Variants in SHANK2 observed in about 807,000 individuals in gnomAD.
SHANK2 encodes SH3 and multiple ankyrin repeat domains 2, also known as SH3 and multiple ankyrin repeat domains protein 2.
Under a neutral mutation model 133.7 loss-of-function variants are expected in SHANK2, and 43 were observed. That is an observed-to-expected ratio of 0.32 (90% CI 0.25 to 0.41). SHANK2 has a LOEUF of 0.41. Among genes scored for constraint, SHANK2 ranks in the 10% least tolerant of loss-of-function variants. The pLI is 1.00. For synonymous variants in SHANK2, 1,017 were observed against 952.8 expected (o/e 1.07, Z -1.24); for missense variants, 1,994 against 2,235.8 (o/e 0.89, Z 2.18).
chr11:70,634,202 T>A (rs577137396), intron 17 of SHANK2: 1 of 151,428 alleles, frequency 6.6e-6, no homozygotes, highest in Admixed American at 6.6e-5. Context: ...GGTGCGTGGA[T>A]GGGACAGTGA....
chr11:70,491,098 C>T (rs1210222334), intron 22 of SHANK2, among the ~76,000 whole-genome samples: 1 of 152,242 alleles, frequency 6.6e-6, no homozygotes, highest in Non-Finnish European at 1.5e-5. Flanking sequence ...CTTTCGCTTC[C>T]CCAGGCTGTT....
intron 10 of SHANK2, among the ~76,000 whole-genome samples, chr11:70,929,171 C>T (rs1950468646): frequency 6.6e-6 from 1 of 152,226 alleles, no homozygotes; most frequent in Non-Finnish European, 1.5e-5. Context: ...GTGTGTGTAT[C>T]ATAAGGAAGC....
At chr11:70,855,753 T>C (rs1227031833) in intron 11 of SHANK2, among the ~76,000 whole-genome samples, 3 of 151,730 alleles carry the variant, frequency 2.0e-5, no homozygotes, top group Non-Finnish European at 4.4e-5. Flanking sequence ...AAAAGAAAGG[T>C]GGGAAGAAAG....
intron 10 of SHANK2, among the ~76,000 whole-genome samples, chr11:70,919,270 T>C (rs1555080377): frequency 6.6e-6 from 1 of 152,154 alleles, no homozygotes; most frequent in Admixed American, 6.5e-5. Flanking sequence ...CATCTTTTTG[T>C]GGTGAGAACA....
In SHANK2 at chr11:70,492,469, C is replaced by T; in HGVS notation, c.2309-4G>A. On this transcript the variant is annotated splice_region_variant and splice_polypyrimidine_tract_variant and intron_variant, in intron 21 of 25. Transcript: ENST00000601538. ...GGGACTATCTCCTCGGGTTTATCTG[C>T]AATAGAACCGTGAGGATTGGAGCAG... 5 of 1,613,912 alleles carry T rather than the reference C, an allele frequency of 3.1e-6. No homozygotes were observed. The highest frequency in any genetic ancestry group is 4.2e-6 in the Non-Finnish European group (5 of 1,180,040).
At chr11:71,212,047 C>A (rs1176540584) in intron 2 of SHANK2, among the ~76,000 whole-genome samples, 1 of 152,194 alleles carries the variant, frequency 6.6e-6, no homozygotes, top group Non-Finnish European at 1.5e-5. Context: ...CCTGCAAACA[C>A]CGTGTCGCAT....
chr11:71,075,817 A>C lies in SHANK2; in HGVS notation c.913-542T>G, dbSNP rs1047623676. On this transcript the variant is annotated intron_variant, in intron 8 of 25. Coordinates refer to ENST00000601538, the MANE Select transcript of SHANK2 (RefSeq NM_012309.5). ...CTTTAATGCAGTCCAGCTCCTAAGT[A>C]AGTTGCAGGACGCAGGGGTAGGGCA... Among the ~76,000 whole-genome samples, 219 of 152,274 alleles carry C rather than the reference A, an allele frequency of 1.4e-3. 2 individuals are homozygous for C. Among genetic ancestry groups the C allele is most frequent in the African/African-American group, 5.0e-3 (209 of 41,566 alleles).
At position 70,893,932 on chromosome 11, in the gene SHANK2, A is replaced by G. The variant is rs555887275; in HGVS notation, c.1174+2569T>C. On this transcript the variant is annotated intron_variant, in intron 11 of 25. Coordinates refer to ENST00000601538, the MANE Select transcript of SHANK2 (RefSeq NM_012309.5). ...CTGTGGTGGGTGCCCCCCTCTCTCA[A>G]TGGGGGGTGCTGTTTACAGTTAACA... Among the ~76,000 whole-genome samples, 26 of 152,222 alleles carry G rather than the reference A, an allele frequency of 1.7e-4. No homozygotes were observed. In the South Asian group the frequency reaches 5.4e-3, roughly 32 times the overall value.
At chr11:71,218,073 A>T (rs1555120321) in intron 2 of SHANK2, among the ~76,000 whole-genome samples, 4 of 151,744 alleles carry the variant, frequency 2.6e-5, no homozygotes. Context: ...GATGGTCTCG[A>T]TCTCCTTACC....
intron 10 of SHANK2, among the ~76,000 whole-genome samples, chr11:70,940,679 T>C (rs1348315137): frequency 6.6e-6 from 1 of 152,054 alleles, no homozygotes; most frequent in Non-Finnish European, 1.5e-5. Context: ...CCATAAACCA[T>C]TGTCAAAAGG....
At chr11:70,866,085 C>T (rs546543468) in intron 11 of SHANK2, among the ~76,000 whole-genome samples, 7 of 152,276 alleles carry the variant, frequency 4.6e-5, no homozygotes, top group South Asian at 2.1e-4. Context: ...CAATTCCGCG[C>T]GCAGATGCCT....
At chr11:70,852,030 C>T (rs1314174216) in intron 11 of SHANK2, among the ~76,000 whole-genome samples, 2 of 152,210 alleles carry the variant, frequency 1.3e-5, no homozygotes, top group African/African-American at 4.8e-5. Context: ...AAAACACAGT[C>T]CCTTTTAAAA....
At chr11:71,163,093 A>AAACATATATATATATATATATATAGAT in intron 2 of SHANK2, among the ~76,000 whole-genome samples, 1 of 84,678 alleles carries the variant, frequency 1.2e-5, no homozygotes, top group Non-Finnish European at 2.5e-5. Context: ...AAAAAAAAAA[A>AAACATATATATATATATATATATAGAT]ATACATATAT....
chr11:70,487,224 G>C lies in SHANK2; in HGVS notation c.3069C>G (p.Pro1023=), dbSNP rs1361275780. The change falls in exon 25 of 26, where the codon CCC becomes CCG. Residue 1023 remains proline (P), a synonymous_variant. Transcript: ENST00000601538. This position sits in a 1 kb window ranked among gnomAD's most constrained non-coding sequence, Gnocchi z 5.8. The stretch of plus-strand genomic sequence containing the variant: ...GGATAGGGATGGAGCACGTCTTCTC[G>C]GGGCTGTCCTCCACGTTGGACTGCT... ...LVKQSNVEDS[P]EKTCSIPIPT... 7.4e-6 allele frequency: 12 copies of C among 1,613,980 alleles called. No homozygotes were observed. The highest frequency in any genetic ancestry group is 9.3e-6 in the Non-Finnish European group (11 of 1,180,052).
intron 2 of SHANK2, among the ~76,000 whole-genome samples, chr11:71,198,849 G>A (rs554529073): frequency 1.2e-3 from 180 of 152,322 alleles, no homozygotes; most frequent in African/African-American, 3.9e-3. Flanking sequence ...ACTGGTGGCC[G>A]TGGCTCATGG....
chr11:70,953,662 G>A (rs1479778571), intron 10 of SHANK2, among the ~76,000 whole-genome samples: 1 of 152,174 alleles, frequency 6.6e-6, no homozygotes, highest in Admixed American at 6.5e-5. Flanking sequence ...TGCCGTGCTA[G>A]CAGCCAACTG....
At chr11:70,832,715 C>T (rs1337041734) in intron 11 of SHANK2, among the ~76,000 whole-genome samples, 1 of 146,666 alleles carries the variant, frequency 6.8e-6, no homozygotes, top group Non-Finnish European at 1.5e-5. Flanking sequence ...TCCCACCCTA[C>T]CCCCACCCCC....
At chr11:70,866,176 T>C (rs1164103442) in intron 11 of SHANK2, among the ~76,000 whole-genome samples, 5 of 152,108 alleles carry the variant, frequency 3.3e-5, no homozygotes, top group Non-Finnish European at 7.4e-5. Flanking sequence ...TCTGCTGCAG[T>C]CTACACCCTC....
chr11:70,557,717 C>T (rs1179995640), intron 17 of SHANK2, among the ~76,000 whole-genome samples: 1 of 152,180 alleles, frequency 6.6e-6, no homozygotes, highest in East Asian at 1.9e-4. Flanking sequence ...CTGACCTGGG[C>T]TTTCCTGTGC....
Sources: gnomAD v4.1 joint callset for allele counts (sites outside exome capture counted in the v4.1 genomes callset) on GRCh38, gnomAD v4.1.1 for gene constraint, Gnocchi (gnomAD v3.1) non-coding constraint, MANE v1.5 for transcripts, NCBI Gene and HGNC (gene_info 2026-07-23, HGNC 2026-07-21) for gene names.